The following NETO1 variants were observed in gnomAD, a reference collection of about 807,000 sequenced individuals.
NETO1 encodes the protein neuropilin and tolloid-like protein 1.
In NETO1, 26 loss-of-function variants were observed where a neutral mutation model predicts 61.3. The observed-to-expected ratio is 0.42, with a 90% CI of 0.31 to 0.59. The LOEUF (loss-of-function observed/expected upper bound fraction) is 0.59, where lower values mean the gene tolerates loss of function less well. Ranked by LOEUF, NETO1 falls within the 20% of genes least tolerant of loss-of-function variation. The pLI is 0.12. For missense variants in NETO1, 531 were observed against 662.8 expected (o/e 0.80, Z 2.18); for synonymous variants, 225 against 225.8 (o/e 1.00, Z 0.03).
In NETO1 at chr18:72,743,848, A is replaced by C. The variant is rs573119190; in HGVS notation, c.*4331T>G. 6.6e-6 allele frequency: 1 copy of C among 152,320 alleles called. No individual in the cohort carries two copies. The highest frequency in any genetic ancestry group is 1.5e-5 in the Non-Finnish European group (1 of 68,022). 9.4% of individuals were successfully genotyped at this position (152,320 alleles called of 1,614,324 possible). A position where few individuals can be genotyped will look rare whatever the true frequency, so the allele number is the denominator to read the frequency against. ...TTTGTGTCAGTATCTGTGACTATTA[A>C]GAGAGGGCACAAAAACAATTTTTCA... On this transcript the variant is annotated 3_prime_UTR_variant, in exon 11 of 11. Coordinates refer to ENST00000327305, the MANE Select transcript of NETO1 (RefSeq NM_138966.5).
rs1279975995 is a variant in NETO1, at chr18:72,744,772, A to G, written c.*3407T>C. 1 of 152,198 alleles carries G rather than the reference A, an allele frequency of 6.6e-6. No individual in the cohort carries two copies. The highest frequency in any genetic ancestry group is 1.5e-5 in the Non-Finnish European group (1 of 68,042). The allele number at this position is 152,198 out of a possible 1,614,324, so 9.4% of individuals were successfully genotyped here. A position where few individuals can be genotyped will look rare whatever the true frequency, so the allele number is the denominator to read the frequency against. On this transcript the variant is annotated 3_prime_UTR_variant, in exon 11 of 11. Coordinates refer to ENST00000327305, the MANE Select transcript of NETO1 (RefSeq NM_138966.5). ...ATGCTATTATTTATTTCACTGACAAAACATCAGTAAATTAATTGCCGCCAC... is the reference window on the plus strand; with the variant it reads ...ATGCTATTATTTATTTCACTGACAAGACATCAGTAAATTAATTGCCGCCAC...
Position 72,782,764 on chromosome 18 carries a change from G to A in NETO1, c.868+914C>T, listed in dbSNP as rs553918247. Among the ~76,000 whole-genome samples, 39 of 152,034 alleles carry A rather than the reference G, an allele frequency of 2.6e-4. No individual in the cohort carries two copies. In the South Asian group the frequency reaches 6.2e-3, roughly 24 times the overall value. On this transcript the variant is annotated intron_variant, in intron 7 of 10. Transcript: ENST00000327305. Reference sequence around the variant, plus strand: ...GGTTGCTGTGAGCTGAGATCGCACCGTCGCACTCCAGCCTGGGCAACAAGA... The same window carrying A: ...GGTTGCTGTGAGCTGAGATCGCACCATCGCACTCCAGCCTGGGCAACAAGA...
intron 8 of NETO1, among the ~76,000 whole-genome samples, chr18:72,752,946 C>A (rs1015390247): frequency 1.3e-5 from 2 of 151,534 alleles, no homozygotes; most frequent in African/African-American, 4.8e-5. Context: ...CAGAGGCATG[C>A]GAATAGTGCA....
chr18:72,866,398 C>A (rs1431708730), intron 1 of NETO1, among the ~76,000 whole-genome samples: 1 of 152,080 alleles, frequency 6.6e-6, no homozygotes, highest in African/African-American at 2.4e-5. Context: ...AAGGCACTGG[C>A]TGCTGTTGTT....
At chr18:72,812,407 T>C (rs1336237649) in intron 4 of NETO1, among the ~76,000 whole-genome samples, 1 of 152,340 alleles carries the variant, frequency 6.6e-6, no homozygotes, top group South Asian at 2.1e-4. Context: ...TTTACACAGT[T>C]ATCTTTCTTC....
In NETO1 at chr18:72,867,389, A is replaced by C. The variant is rs1469331599; in HGVS notation, c.-98T>G. 1.7e-5 allele frequency: 16 copies of C among 919,324 alleles called. No individual in the cohort carries two copies. Among genetic ancestry groups the C allele is most frequent in the Non-Finnish European group, 2.4e-5 (15 of 637,536 alleles). 56.9% of individuals were successfully genotyped at this position (919,324 alleles called of 1,614,324 possible). A position where few individuals can be genotyped will look rare whatever the true frequency, so the allele number is the denominator to read the frequency against. On this transcript the variant is annotated 5_prime_UTR_variant, in exon 1 of 11. Transcript: ENST00000327305. ...GGGAGGACAGGGTCGAGAGGTGTTA[A>C]AGACGCAAAGCAAGAAGGAAATAAA...
rs1599164213 is a variant in NETO1 at position 72,781,951 on chromosome 18, T to A, written c.868+1727A>T. 2.6e-5 allele frequency among the ~76,000 whole-genome samples: 4 copies of A among 152,256 alleles called. 1 individual carries two copies. Among genetic ancestry groups the A allele is most frequent in the Admixed American group, 2.6e-4 (4 of 15,290 alleles). ...TGTACAAATTATTTCATCACCCATA[T>A]AATAAGCATAGTACCCAACAGGGGT... On this transcript the variant is annotated intron_variant, in intron 7 of 10. Transcript: ENST00000327305.
chr18:72,790,190 T>C (rs1263885220), intron 6 of NETO1, among the ~76,000 whole-genome samples: 1 of 152,148 alleles, frequency 6.6e-6, no homozygotes, highest in African/African-American at 2.4e-5. Context: ...TTTATACATA[T>C]TTTGACTCTG....
At chr18:72,854,662 T>C (rs2074361128) in intron 4 of NETO1, among the ~76,000 whole-genome samples, 1 of 152,238 alleles carries the variant, frequency 6.6e-6, no homozygotes, top group South Asian at 2.1e-4. Flanking sequence ...GGAAGTGTTA[T>C]ATTCTGCTCA....
intron 3 of NETO1, among the ~76,000 whole-genome samples, chr18:72,859,520 A>C (rs1017826859): frequency 6.6e-6 from 1 of 152,226 alleles, no homozygotes; most frequent in Non-Finnish European, 1.5e-5. Context: ...CCATGTGTCT[A>C]GATCAGATCC....
intron 4 of NETO1, among the ~76,000 whole-genome samples, chr18:72,799,875 A>C (rs2072449680): frequency 6.6e-6 from 1 of 152,278 alleles, no homozygotes; most frequent in South Asian, 2.1e-4. Flanking sequence ...ATTCAGTTAC[A>C]AAACTTGCTT....
chr18:72,765,398 AC>A (rs143658631), intron 7 of NETO1, among the ~76,000 whole-genome samples: 222 of 152,146 alleles, frequency 1.5e-3, no homozygotes, highest in African/African-American at 5.0e-3. Context: ...TTGGTGACAG[AC>A]TATATATCAC....
chr18:72,761,899 T>C (rs902760658), intron 7 of NETO1, among the ~76,000 whole-genome samples: 49 of 152,318 alleles, frequency 3.2e-4, no homozygotes, highest in African/African-American at 1.1e-3. Flanking sequence ...AAATATGGTA[T>C]GTTAGTTTTG....
intron 6 of NETO1, among the ~76,000 whole-genome samples, chr18:72,784,257 C>T (rs1404561060): frequency 6.6e-6 from 1 of 152,086 alleles, no homozygotes; most frequent in Non-Finnish European, 1.5e-5. Flanking sequence ...ATTCCTGATA[C>T]ATTCTTGTTT....
chr18:72,827,719 A>T (rs2073428492), intron 4 of NETO1, among the ~76,000 whole-genome samples: 1 of 150,302 alleles, frequency 6.7e-6, no homozygotes, highest in Admixed American at 6.6e-5. Flanking sequence ...CCTGTCTCAA[A>T]AAAAAAAAAA....
chr18:72,838,560 C>A (rs2073827951), intron 4 of NETO1, among the ~76,000 whole-genome samples: 1 of 152,170 alleles, frequency 6.6e-6, no homozygotes, highest in East Asian at 1.9e-4. Flanking sequence ...ATCCCAGGCT[C>A]CTCCGCCCAG....
intron 4 of NETO1, among the ~76,000 whole-genome samples, chr18:72,827,690 T>G (rs1431766919): frequency 1.5e-5 from 2 of 133,310 alleles, no homozygotes; most frequent in Non-Finnish European, 3.1e-5. Flanking sequence ...CACTTCATCC[T>G]GGGCAACCAA....
chr18:72,758,372 GCTTT>G (rs1841463630), intron 7 of NETO1, among the ~76,000 whole-genome samples: 1 of 83,250 alleles, frequency 1.2e-5, no homozygotes, highest in Non-Finnish European at 2.8e-5. Context: ...TGTTTGTGGT[GCTTT>G]TTTTTTCTTT....
chr18:72,799,481 T>C (rs1568209735), intron 4 of NETO1, among the ~76,000 whole-genome samples: 1 of 152,346 alleles, frequency 6.6e-6, no homozygotes, highest in African/African-American at 2.4e-5. Flanking sequence ...ATTTTGTGTC[T>C]GTATATGCAT....
Sources: allele counts gnomAD v4.1 joint callset (sites outside exome capture counted in the v4.1 genomes callset), GRCh38; gene constraint gnomAD v4.1.1; transcripts MANE v1.5; gene names NCBI Gene and HGNC (gene_info 2026-07-23, HGNC 2026-07-21).